Variants in EXOC3 observed in about 807,000 individuals in gnomAD.
The protein encoded by EXOC3 is exocyst complex component 3.
A neutral mutation model predicts 73.7 loss-of-function variants in EXOC3; 21 were observed. That is an observed-to-expected ratio of 0.29 (90% CI 0.20 to 0.41). EXOC3 has a LOEUF of 0.41. EXOC3 is among the 10% of genes least tolerant of loss of function. EXOC3 has a pLI of 1.00. For synonymous variants in EXOC3, 410 were observed against 389.1 expected (o/e 1.05, Z -0.63); for missense variants, 842 against 985.1 (o/e 0.85, Z 1.95).
At chr5:456,584 G>A (rs1737821252) in intron 4 of EXOC3, among the ~76,000 whole-genome samples, 1 of 152,266 alleles carries the variant, frequency 6.6e-6, no homozygotes, top group South Asian at 2.1e-4. Flanking sequence ...TGGGGTTGGA[G>A]GGACTCAAGT....
At chr5:456,867 C>T in intron 4 of EXOC3, 22 bp from the exon 5 acceptor site, 1 of 1,581,978 alleles carries the variant, frequency 6.3e-7, no homozygotes, top group Non-Finnish European at 8.7e-7. Context: ...GTTTGTCACT[C>T]ACATTCCTGG....
At chr5:448,801 G>T (rs1161049717) in intron 3 of EXOC3, among the ~76,000 whole-genome samples, 8 of 152,162 alleles carry the variant, frequency 5.3e-5, no homozygotes, top group Admixed American at 5.2e-4. Flanking sequence ...ACCTTGTCCC[G>T]TTGCTTTGTG....
At position 465,859 on chromosome 5, in the gene EXOC3, G is replaced by A. The variant is rs1024071477; in HGVS notation, c.2066+14G>A. On this transcript the variant is annotated intron_variant, in intron 12 of 12. Coordinates refer to ENST00000512944, the MANE Select transcript of EXOC3 (RefSeq NM_007277.5). ...TCCAGACATCAGGTAAGGGATGCAC[G>A]TCTTAGAATCCTGCCTTAGAATCCT... The A allele has an allele frequency of 1.9e-6, 3 of 1,603,070 alleles. No individual in the cohort carries two copies. The highest frequency in any genetic ancestry group is 1.1e-5 in the South Asian group (1 of 88,904).
intron 3 of EXOC3, among the ~76,000 whole-genome samples, chr5:449,857 C>A (rs1383614356): frequency 6.6e-6 from 1 of 152,238 alleles, no homozygotes; most frequent in Non-Finnish European, 1.5e-5. Context: ...GAGCAGCTGC[C>A]AGACTGTTTC....
At position 447,485 on chromosome 5, in the gene EXOC3, C is replaced by T. The variant is rs770522796; in HGVS notation, c.145-48C>T. The T allele has an allele frequency of 7.4e-5, 101 of 1,364,718 alleles. No homozygotes were observed. The African/African-American group carries it at 7.9e-4, about 11-fold the overall frequency. 84.5% of individuals were successfully genotyped at this position (1,364,718 alleles called of 1,614,324 possible). ...GGAAGATTTGTTCTTCAGGAGGCAG[C>T]GCATGGCTATCATTGGCTCTGCTCA... On this transcript the variant is annotated intron_variant, in intron 2 of 12. Coordinates refer to ENST00000512944, the MANE Select transcript of EXOC3 (RefSeq NM_007277.5).
Position 456,456 on chromosome 5 carries a change from G to C in EXOC3, c.1047-433G>C, listed in dbSNP as rs573499175. On this transcript the variant is annotated intron_variant, in intron 4 of 12. Coordinates refer to ENST00000512944, the MANE Select transcript of EXOC3 (RefSeq NM_007277.5). ...TTTGTTTATTCAGCGCCTCCTGTTT[G>C]CCAGGCCCTGCCTCGGCTCTGCAGG... Among the ~76,000 whole-genome samples the C allele has an allele frequency of 3.9e-5, 6 of 152,194 alleles. No homozygotes were observed. In the South Asian group the frequency reaches 1.0e-3, roughly 26 times the overall value.
At chr5:461,630 C>T in intron 7 of EXOC3, 1 of 245,136 alleles carries the variant, frequency 4.1e-6, no homozygotes, top group Non-Finnish European at 7.9e-6. Context: ...AAAAAAGAGA[C>T]AAGGTCTGAT....
At chr5:464,857 C>T (rs1738093109) in intron 10 of EXOC3, 7 of 549,746 alleles carry the variant, frequency 1.3e-5, no homozygotes, top group East Asian at 3.1e-5. Flanking sequence ...TGCTCATGCG[C>T]GGCACTGCCT....
At chr5:457,149 C>T (rs927020305) in intron 5 of EXOC3, 143 bp downstream of exon 5, 8 of 643,804 alleles carry the variant, frequency 1.2e-5, no homozygotes, top group Non-Finnish European at 2.0e-5. Context: ...GGCTCTGCTT[C>T]CAGGCCTTGA....
chr5:445,970 A>G (rs1008575069), intron 1 of EXOC3, among the ~76,000 whole-genome samples, 180 bp from the exon 2 acceptor site: 1 of 152,126 alleles, frequency 6.6e-6, no homozygotes, highest in Admixed American at 6.5e-5. Flanking sequence ...TAACTTCTGC[A>G]TGTTTGTGTT....
intron 12 of EXOC3, chr5:466,484 G>A: frequency 1.9e-6 from 1 of 515,842 alleles, no homozygotes; most frequent in Non-Finnish European, 3.4e-6. Flanking sequence ...CCCTCTGGTT[G>A]GGCCGGAACA....
At chr5:459,658 C>T (rs1442761906) in intron 7 of EXOC3, 199 bp downstream of exon 7, 38 of 443,274 alleles carry the variant, frequency 8.6e-5, no homozygotes, top group South Asian at 6.7e-4. Flanking sequence ...GGACCACACA[C>T]CCCCTTGGGC....
At position 466,729 on chromosome 5, in the gene EXOC3, A is replaced by C; in HGVS notation, c.2069A>C (p.Asp690Ala). The C allele has an allele frequency of 1.9e-6, 3 of 1,612,126 alleles. No individual in the cohort carries two copies. In the African/African-American group the frequency reaches 4.0e-5, roughly 21 times the overall value. ...TLVSKYPDIRDDHIGALLAVR... is the reference protein window; with the variant it reads ...TLVSKYPDIRADHIGALLAVR... ...GGCTGACATCTCCCCATCCCCAGGG[A>C]TGACCACATCGGTGCGCTGCTGGCT... is the stretch of plus-strand genomic sequence containing the variant. The change falls in exon 13 of 13, where the codon GAT (aspartate) becomes GCT (alanine). Residue 690 changes from aspartate to alanine, a missense_variant and splice_region_variant. Transcript: ENST00000512944.
chr5:462,454 A>G, intron 9 of EXOC3, 147 bp downstream of exon 9: 1 of 831,576 alleles, frequency 1.2e-6, no homozygotes, highest in Middle Eastern at 2.9e-4. Flanking sequence ...AGATCGCTTA[A>G]AGCGCCTCCG....
intron 1 of EXOC3, 70 bp from the exon 2 acceptor site, chr5:446,080 A>G: frequency 9.5e-7 from 1 of 1,055,950 alleles, no homozygotes; most frequent in Non-Finnish European, 1.5e-6. Flanking sequence ...TTGTAGCTCC[A>G]CTGTGATCAC....
rs774965769 is a variant in EXOC3, at chr5:464,375, T to G, written c.1739T>G (p.Phe580Cys). 3 of 1,613,782 alleles carry G rather than the reference T, an allele frequency of 1.9e-6. No homozygotes were observed. The highest frequency in any genetic ancestry group is 2.2e-5 in the East Asian group (1 of 44,892). Residue 580 changes from phenylalanine to cysteine, a missense_variant, in exon 10 of 13, where the codon TTC becomes TGC. Phe to Cys is a radical substitution (Grantham distance 205). Coordinates refer to ENST00000512944, the MANE Select transcript of EXOC3 (RefSeq NM_007277.5). ...ATCTGTGTCACCGTGGAAGACTATT[T>G]CAACGATTTTGCCAAAATTAAAAAG... The part of the protein sequence containing the change: ...DIICVTVEDY[F>C]NDFAKIKKPY...
At position 462,259 on chromosome 5, in the gene EXOC3, G is replaced by T. The variant is rs1738011115; in HGVS notation, c.1605G>T (p.Ala535=). The change falls in exon 9 of 13, where the codon GCG becomes GCT. Residue 535 remains alanine, a synonymous_variant. Transcript: ENST00000512944. ...TGGACGGGATTTTAGACGCCATCGC[G>T]AAGGAGGGCTGCAGCGGTTTGCTGG... The part of the protein sequence containing the change: ...PSMDGILDAI[A]KEGCSGLLEE... 1.9e-6 allele frequency: 3 copies of T among 1,613,866 alleles called. No homozygotes were observed. The East Asian group carries it at 6.7e-5, about 36-fold the overall frequency.
At chr5:464,913 G>C in intron 10 of EXOC3, 198 bp from the exon 11 acceptor site, 1 of 621,148 alleles carries the variant, frequency 1.6e-6, no homozygotes, top group Middle Eastern at 4.3e-4. Flanking sequence ...CTGGTGCGGG[G>C]GTCCAGGTCA....
intron 6 of EXOC3, among the ~76,000 whole-genome samples, chr5:458,721 A>C (rs548113411): frequency 6.6e-6 from 1 of 151,904 alleles, no homozygotes; most frequent in Admixed American, 6.6e-5. Flanking sequence ...CATGTGTTTT[A>C]ATTTGAGTGG....
Sources: allele counts gnomAD v4.1 joint callset (sites outside exome capture counted in the v4.1 genomes callset), GRCh38; gene constraint gnomAD v4.1.1; transcripts MANE v1.5; gene names NCBI Gene and HGNC (gene_info 2026-07-23, HGNC 2026-07-21).